Variants in PTPRN2 observed in about 807,000 individuals in gnomAD.
PTPRN2 encodes the protein protein tyrosine phosphatase receptor type N2, also known as receptor-type tyrosine-protein phosphatase N2.
PTPRN2 carries 74 observed loss-of-function variants against 118.8 expected under a neutral mutation model. That is an observed-to-expected ratio of 0.62 (90% CI 0.52 to 0.76). The LOEUF (loss-of-function observed/expected upper bound fraction) is 0.76, where lower values mean the gene tolerates loss of function less well. PTPRN2 is among the 30% of genes least tolerant of loss of function. The pLI is 0.00. For synonymous variants in PTPRN2, 641 were observed against 608.0 expected, an observed-to-expected ratio of 1.05 and a Z score of -0.80; for missense variants, 1,481 against 1,394.4, an observed-to-expected ratio of 1.06 and a Z score of -0.99.
intron 9 of PTPRN2, among the ~76,000 whole-genome samples, chr7:158,114,595 G>C (rs1816571303): frequency 6.6e-6 from 1 of 151,192 alleles, no homozygotes; most frequent in Admixed American, 6.6e-5. Context: ...AGAGATGAGA[G>C]AGGAGGAGGA....
At chr7:158,196,302 A>G (rs1246898952) in intron 4 of PTPRN2, among the ~76,000 whole-genome samples, 1 of 152,176 alleles carries the variant, frequency 6.6e-6, no homozygotes, top group South Asian at 2.1e-4. Flanking sequence ...TGGTTTCCCC[A>G]GACCTTCAGC....
At chr7:157,901,730 C>G in intron 11 of PTPRN2, among the ~76,000 whole-genome samples, 1 of 55,944 alleles carries the variant, frequency 1.8e-5, no homozygotes, top group East Asian at 4.6e-4. Context: ...TTTCCTGGGT[C>G]CTGAGGTGGG....
At position 157,590,354 on chromosome 7, in the gene PTPRN2, T is replaced by A. The variant is rs1364656987; in HGVS notation, c.2496+4884A>T. ...TGTAACTCAGACTTCCACAGACCCC[T>A]CTGAGCTGGAGTAAGGACCAGGAAT... is the stretch of plus-strand genomic sequence containing the variant. On this transcript the variant is annotated intron_variant, in intron 17 of 22. Transcript: ENST00000389418. This position sits in a 1 kb window ranked among gnomAD's most constrained non-coding sequence, Gnocchi z 4.0. 2.0e-5 allele frequency among the ~76,000 whole-genome samples: 3 copies of A among 151,402 alleles called. No homozygotes were observed. The East Asian group carries it at 5.8e-4, about 29-fold the overall frequency.
intron 11 of PTPRN2, among the ~76,000 whole-genome samples, chr7:158,061,193 G>A (rs935924560): frequency 2.6e-5 from 4 of 152,212 alleles, no homozygotes; most frequent in Admixed American, 1.3e-4. Context: ...GTGATGCATC[G>A]CAAATTAAAG....
rs147360967 is a variant in PTPRN2, at chr7:157,803,296, C to T, written c.1788+95377G>A. ...ACATTTTAAATATTAACTCCTTATC[C>T]GTTATGTGGTATGCAAATATTTCCT... On this transcript the variant is annotated intron_variant, in intron 12 of 22. Transcript: ENST00000389418. Among the ~76,000 whole-genome samples the T allele has an allele frequency of 3.2e-3, 492 of 152,240 alleles. 5 individuals carry two copies. Among genetic ancestry groups the T allele is most frequent in the African/African-American group, 0.011 (462 of 41,536 alleles).
chr7:158,302,207 C>T (rs1231702082), intron 3 of PTPRN2, among the ~76,000 whole-genome samples: 1 of 152,216 alleles, frequency 6.6e-6, no homozygotes, highest in East Asian at 1.9e-4. Context: ...TCTGCATCCT[C>T]TCCCCAGACA....
chr7:158,070,771 A>ATGG (rs1554527745), intron 11 of PTPRN2, among the ~76,000 whole-genome samples: 2 of 21,362 alleles, frequency 9.4e-5, no homozygotes, highest in Non-Finnish European at 1.8e-4. Context: ...GGAGGTGCTC[A>ATGG]TGGTGGAGGT....
chr7:157,931,627 A>G (rs547024047), intron 11 of PTPRN2, among the ~76,000 whole-genome samples: 1 of 152,268 alleles, frequency 6.6e-6, no homozygotes, highest in Admixed American at 6.5e-5. Context: ...TCAGTGAGTC[A>G]CAAATGCATC....
intron 9 of PTPRN2, among the ~76,000 whole-genome samples, chr7:158,121,558 T>C (rs1301681214): frequency 6.6e-6 from 1 of 152,178 alleles, no homozygotes; most frequent in Non-Finnish European, 1.5e-5. Context: ...TCTCCTTTTC[T>C]AGCATGTTTC....
At chr7:157,556,607 A>C (rs1004425861) in intron 21 of PTPRN2, among the ~76,000 whole-genome samples, 20 of 144,026 alleles carry the variant, frequency 1.4e-4, no homozygotes, top group African/African-American at 1.6e-4. Flanking sequence ...AAACACACAC[A>C]CCCCACACAT....
At chr7:157,853,305 G>T (rs939861197) in intron 12 of PTPRN2, among the ~76,000 whole-genome samples, 7 of 152,164 alleles carry the variant, frequency 4.6e-5, no homozygotes, top group African/African-American at 1.7e-4. Flanking sequence ...CTGTGGCATG[G>T]GGTAACTTCA....
chr7:158,499,354 C>A (rs1268173650), intron 1 of PTPRN2, among the ~76,000 whole-genome samples: 6 of 152,184 alleles, frequency 3.9e-5, no homozygotes, highest in Non-Finnish European at 8.8e-5. Flanking sequence ...GCAAGGGCAT[C>A]ACATGTAGAA....
chr7:157,908,433 G>A (rs906575132), intron 11 of PTPRN2, among the ~76,000 whole-genome samples: 2 of 152,264 alleles, frequency 1.3e-5, no homozygotes, highest in African/African-American at 4.8e-5. Context: ...AAATCCTGCT[G>A]TTCAGGTTAC....
At position 158,517,333 on chromosome 7, in the gene PTPRN2, A is replaced by C. The variant is rs931469497; in HGVS notation, c.113-27548T>G. ...AGCGCCCCCTCACAGAACCGCAGCA[A>C]CGACACCTATCACCGCCCACCACAG... On this transcript the variant is annotated intron_variant, in intron 1 of 22. Coordinates refer to ENST00000389418, the MANE Select transcript of PTPRN2 (RefSeq NM_002847.5). This position sits in a 1 kb window ranked among gnomAD's most constrained non-coding sequence, Gnocchi z 5.3. Among the ~76,000 whole-genome samples, 4 of 152,186 alleles carry C rather than the reference A, an allele frequency of 2.6e-5. No individual in the cohort carries two copies. Among genetic ancestry groups the C allele is most frequent in the Non-Finnish European group, 5.9e-5 (4 of 68,028 alleles).
intron 2 of PTPRN2, among the ~76,000 whole-genome samples, chr7:158,439,746 T>C (rs1277065828): frequency 6.6e-6 from 1 of 152,242 alleles, no homozygotes; most frequent in Non-Finnish European, 1.5e-5. Context: ...GTACTGATTG[T>C]AAGACAAGTC....
chr7:158,276,681 C>G (rs1799027675), intron 3 of PTPRN2, among the ~76,000 whole-genome samples: 1 of 152,204 alleles, frequency 6.6e-6, no homozygotes, highest in Non-Finnish European at 1.5e-5. Context: ...GTTTCCAGGC[C>G]CACACAGCAC....
intron 22 of PTPRN2, among the ~76,000 whole-genome samples, chr7:157,548,586 C>T (rs577989843): frequency 4.0e-4 from 61 of 152,206 alleles, no homozygotes; most frequent in Non-Finnish European, 2.8e-4. Context: ...GGCCGGGCAG[C>T]GCTCAGAGAG....
intron 2 of PTPRN2, among the ~76,000 whole-genome samples, chr7:158,329,897 A>G (rs1804021336): frequency 6.6e-6 from 1 of 152,108 alleles, no homozygotes; most frequent in Admixed American, 6.5e-5. Flanking sequence ...CGGTCACCAT[A>G]GCTACATGGA....
At chr7:158,432,724 G>A (rs1247617714) in intron 2 of PTPRN2, among the ~76,000 whole-genome samples, 1 of 152,132 alleles carries the variant, frequency 6.6e-6, no homozygotes, top group East Asian at 1.9e-4. Flanking sequence ...ACGCAGCCTG[G>A]CCCGGGATTT....
Sources: allele counts gnomAD v4.1 joint callset (sites outside exome capture counted in the v4.1 genomes callset), GRCh38; gene constraint gnomAD v4.1.1; non-coding constraint Gnocchi (gnomAD v3.1); transcripts MANE v1.5; gene names NCBI Gene and HGNC (gene_info 2026-07-23, HGNC 2026-07-21).